Variants in LIPH observed in about 807,000 individuals in gnomAD.
LIPH encodes the protein lipase member H.
In LIPH, 32 loss-of-function variants were observed where a neutral mutation model predicts 47.6. That is an observed-to-expected ratio of 0.67 (90% CI 0.51 to 0.90). The LOEUF (loss-of-function observed/expected upper bound fraction) is 0.90, where lower values mean the gene tolerates loss of function less well. Among genes scored for constraint, LIPH ranks in the 40% least tolerant of loss-of-function variants. The pLI, the probability that LIPH is intolerant of heterozygous loss-of-function variation, is 0.00. For synonymous variants in LIPH, 190 were observed against 195.6 expected, an observed-to-expected ratio of 0.97 and a Z score of 0.24; for missense variants, 497 against 541.4, an observed-to-expected ratio of 0.92 and a Z score of 0.81.
chr3:185,525,199 C>G (rs1720030951), intron 4 of LIPH, among the ~76,000 whole-genome samples: 2 of 151,938 alleles, frequency 1.3e-5, no homozygotes, highest in Admixed American at 1.3e-4. Flanking sequence ...GTGACAGAGA[C>G]AGACCCTGTC....
intron 5 of LIPH, among the ~76,000 whole-genome samples, chr3:185,519,781 G>C (rs1309512284): frequency 7.3e-6 from 1 of 136,424 alleles, no homozygotes; most frequent in Non-Finnish European, 1.5e-5. Context: ...AGGTTGCAGT[G>C]AGCCGAGATT....
chr3:185,529,567 C>T (rs1019379335), intron 3 of LIPH, among the ~76,000 whole-genome samples: 11 of 150,988 alleles, frequency 7.3e-5, no homozygotes, highest in Non-Finnish European at 8.9e-5. Flanking sequence ...TGTGAGCCAC[C>T]ACACCTAGCC....
At position 185,506,938 on chromosome 3, in the gene LIPH, T is replaced by C. The variant is rs1719395567; in HGVS notation, c.*1852A>G. ...AGAAGGAGGAGGAAGGATGGTAACATGTCCAAGAGCTTGTTCCACTCAGAG... is the reference window on the plus strand; with the variant it reads ...AGAAGGAGGAGGAAGGATGGTAACACGTCCAAGAGCTTGTTCCACTCAGAG... On this transcript the variant is annotated 3_prime_UTR_variant, in exon 10 of 10. Coordinates refer to ENST00000296252, the MANE Select transcript of LIPH (RefSeq NM_139248.3). 6.7e-6 allele frequency: 1 copy of C among 150,346 alleles called. No homozygotes were observed. The highest frequency in any genetic ancestry group is 6.6e-5 in the Admixed American group (1 of 15,054). 9.3% of individuals were successfully genotyped at this position (150,346 alleles called of 1,614,324 possible).
chr3:185,533,226 T>C (rs938964062), intron 3 of LIPH, among the ~76,000 whole-genome samples: 2 of 152,178 alleles, frequency 1.3e-5, no homozygotes, highest in African/African-American at 4.8e-5. Context: ...ATTAGGTTTA[T>C]AGTTCAGGGT....
chr3:185,522,714 A>G (rs1719946363), intron 5 of LIPH, among the ~76,000 whole-genome samples: 1 of 142,766 alleles, frequency 7.0e-6, no homozygotes, highest in South Asian at 2.2e-4. Context: ...TGGCCGTCAT[A>G]TTCTGTCAGT....
intron 1 of LIPH, among the ~76,000 whole-genome samples, chr3:185,539,052 C>T (rs1176956515): frequency 6.6e-6 from 1 of 150,860 alleles, no homozygotes; most frequent in East Asian, 1.9e-4. Flanking sequence ...CTCACTGCAA[C>T]CTTCACCTCC....
chr3:185,551,170 T>C (rs2148968501), intron 1 of LIPH, among the ~76,000 whole-genome samples: 1 of 152,180 alleles, frequency 6.6e-6, no homozygotes, highest in East Asian at 1.9e-4. Flanking sequence ...CAAGACTCCA[T>C]CTCAAAAACA....
chr3:185,526,517 G>A (rs527373701), intron 4 of LIPH, among the ~76,000 whole-genome samples: 70 of 142,156 alleles, frequency 4.9e-4, no homozygotes, highest in Admixed American at 1.1e-3. Flanking sequence ...GTGAAACTCC[G>A]TCTCAAAATA....
chr3:185,544,349 G>T (rs7613970), intron 1 of LIPH, among the ~76,000 whole-genome samples: 35,427 of 149,588 alleles, frequency 0.24, 4,353 homozygotes, highest in African/African-American at 0.29. Flanking sequence ...GTTTTTTTTT[G>T]TTTTGTTTTG....
chr3:185,548,456 G>A (rs552021912), intron 1 of LIPH, among the ~76,000 whole-genome samples: 4 of 151,392 alleles, frequency 2.6e-5, no homozygotes, highest in South Asian at 2.1e-4. Context: ...GGTCAAGCAC[G>A]GTGGCTCACA....
chr3:185,536,127 A>G (rs751172842), intron 1 of LIPH, among the ~76,000 whole-genome samples: 22 of 152,216 alleles, frequency 1.4e-4, no homozygotes, highest in Non-Finnish European at 2.2e-4. Flanking sequence ...TCAGGCACAC[A>G]TTATAGATAT....
chr3:185,516,264 C>T (rs1008022474), intron 7 of LIPH, among the ~76,000 whole-genome samples: 1 of 152,020 alleles, frequency 6.6e-6, no homozygotes, highest in African/African-American at 2.4e-5. Context: ...AAAACCCCGT[C>T]TCTACTAAAA....
At chr3:185,534,185 G>A (rs937992427) in intron 2 of LIPH, among the ~76,000 whole-genome samples, 4 of 152,176 alleles carry the variant, frequency 2.6e-5, no homozygotes, top group East Asian at 3.9e-4. Context: ...GTGAAACCCC[G>A]TCTCTACTAA....
chr3:185,511,186 C>T (rs181625764), intron 9 of LIPH, among the ~76,000 whole-genome samples: 9 of 151,778 alleles, frequency 5.9e-5, no homozygotes, highest in African/African-American at 1.9e-4. Flanking sequence ...CATGTACCAT[C>T]AAATGCAGGT....
chr3:185,539,637 C>T (rs1009263335), intron 1 of LIPH, among the ~76,000 whole-genome samples: 4 of 152,190 alleles, frequency 2.6e-5, no homozygotes, highest in African/African-American at 4.8e-5. Flanking sequence ...TCCCAAAGTG[C>T]TGGGATCACA....
chr3:185,525,905 T>C (rs1047741533), intron 4 of LIPH, among the ~76,000 whole-genome samples: 1 of 152,188 alleles, frequency 6.6e-6, no homozygotes. Flanking sequence ...AGGGTTTTTT[T>C]AGGTGGTTGT....
chr3:185,520,007 G>A (rs1278113892), intron 5 of LIPH, among the ~76,000 whole-genome samples: 1 of 151,996 alleles, frequency 6.6e-6, no homozygotes, highest in African/African-American at 2.4e-5. Context: ...TTCAGAGGAG[G>A]CGCAGGCATC....
At chr3:185,522,649 A>AAAGAAAGAAAAG (rs55836109) in intron 5 of LIPH, among the ~76,000 whole-genome samples, 1 of 92,014 alleles carries the variant, frequency 1.1e-5, no homozygotes, top group Non-Finnish European at 2.2e-5. Flanking sequence ...AGAGAGAAAG[A>AAAGAAAGAAAAG]AAAAGAAAGA....
In LIPH at chr3:185,524,063, A is replaced by C; in HGVS notation, c.718+8T>G. 9 of 1,599,022 alleles carry C rather than the reference A, an allele frequency of 5.6e-6. No individual in the cohort carries two copies. The highest frequency in any genetic ancestry group is 7.7e-6 in the Non-Finnish European group (9 of 1,166,236). On this transcript the variant is annotated splice_region_variant and intron_variant, in intron 5 of 9. Transcript: ENST00000296252. ...TATACCACTATTTTACAAAATATAA[A>C]GGCTTACCTCCCAATATTGTTTTGG...
Sources: gnomAD v4.1 joint callset for allele counts (sites outside exome capture counted in the v4.1 genomes callset) on GRCh38, gnomAD v4.1.1 for gene constraint, MANE v1.5 for transcripts, NCBI Gene and HGNC (gene_info 2026-07-23, HGNC 2026-07-21) for gene names.